Variants in COL7A1 observed in about 807,000 individuals in gnomAD.
COL7A1 encodes the protein collagen alpha-1(VII) chain.
In COL7A1, 296 loss-of-function variants were observed where a neutral mutation model predicts 456.2. The ratio of observed to expected loss-of-function variants is 0.65; its 90% CI spans 0.59 to 0.71. The LOEUF (loss-of-function observed/expected upper bound fraction) is 0.71. Among genes scored for constraint, COL7A1 ranks in the 30% least tolerant of loss-of-function variants. The pLI, the probability that COL7A1 is intolerant of heterozygous loss-of-function variation, is 0.00. For synonymous variants in COL7A1, 1,464 were observed against 1,525.9 expected, an observed-to-expected ratio of 0.96 and a Z score of 0.95; for missense variants, 3,441 against 4,017.2, an observed-to-expected ratio of 0.86 and a Z score of 3.88.
In COL7A1 at chr3:48,564,166, G is replaced by C; in HGVS notation, c.*240C>G. ...GGCGGGTCAGACGCCAGTCACATCC[G>C]CTCACTGCCCACAGCCACCCCCCCA... On this transcript the variant is annotated 3_prime_UTR_variant, in exon 119 of 119. Transcript: ENST00000681320. The surrounding 1 kb of genome is among the most constrained non-coding windows in gnomAD (Gnocchi z 6.0). 1.6e-6 allele frequency: 1 copy of C among 608,634 alleles called. No individual in the cohort carries two copies. The highest frequency in any genetic ancestry group is 2.4e-5 in the Admixed American group (1 of 42,020). 37.7% of individuals were successfully genotyped at this position (608,634 alleles called of 1,614,324 possible). A position where few individuals can be genotyped will look rare whatever the true frequency, so the allele number is the denominator to read the frequency against.
In COL7A1 at chr3:48,570,693, T is replaced by TG. The variant is rs1330515772; in HGVS notation, c.7289dup (p.Gly2431ArgfsTer52). 1 of 1,581,398 alleles carries TG rather than the reference T, an allele frequency of 6.3e-7. No homozygotes were observed. The highest frequency in any genetic ancestry group is 8.6e-7 in the Non-Finnish European group (1 of 1,162,798). On this transcript the variant is annotated frameshift_variant, in exon 96 of 119. Transcript: ENST00000681320. LOFTEE classifies it high-confidence loss of function. The surrounding 1 kb of genome is among the most constrained non-coding windows in gnomAD (Gnocchi z 5.5). ...GGGGTCCTGGGATTCCTTCTCTCCC[T>TG]GGGGGGCCTGCCAGACCCTACCAGA...
Position 48,586,277 on chromosome 3 carries a change from C to A in COL7A1, c.3551-31G>T. 1 of 1,613,714 alleles carries A rather than the reference C, an allele frequency of 6.2e-7. No homozygotes were observed. Among genetic ancestry groups the A allele is most frequent in the Non-Finnish European group, 8.5e-7 (1 of 1,180,036 alleles). The stretch of plus-strand genomic sequence containing the variant: ...GTGGGGTCCAGTGGCTGCATGATAG[C>A]CTTTTCAGGGCCACCCCTATTCCCA... On this transcript the variant is annotated intron_variant, in intron 27 of 118. Transcript: ENST00000681320. This position sits in a 1 kb window ranked among gnomAD's most constrained non-coding sequence, Gnocchi z 5.1.
chr3:48,576,589 A>G (rs372662921), intron 68 of COL7A1, 32 bp from the exon 69 acceptor site: 40 of 1,600,842 alleles, frequency 2.5e-5, no homozygotes, highest in Non-Finnish European at 3.2e-5. Context: ...AGGGGTCACA[A>G]AGGCCCATGG....
chr3:48,586,915 G>A lies in COL7A1; in HGVS notation c.3276+57C>T, dbSNP rs749546778. ...GTGGTCAGGAGATGGTAACTGGTAT[G>A]GAGCCTGGGTGGGGGGCCTCAGGGA... On this transcript the variant is annotated intron_variant, in intron 25 of 118. Coordinates refer to ENST00000681320, the MANE Select transcript of COL7A1 (RefSeq NM_000094.4). This position sits in a 1 kb window ranked among gnomAD's most constrained non-coding sequence, Gnocchi z 5.1. The A allele has an allele frequency of 7.7e-6, 12 of 1,556,962 alleles. No homozygotes were observed. Among genetic ancestry groups the A allele is most frequent in the South Asian group, 1.2e-5 (1 of 84,524 alleles).
rs762460240 is a variant in COL7A1 at position 48,571,291 on chromosome 3, A to G, written c.7069-13T>C. On this transcript the variant is annotated splice_polypyrimidine_tract_variant and intron_variant, in intron 92 of 118. Transcript: ENST00000681320. This position sits in a 1 kb window ranked among gnomAD's most constrained non-coding sequence, Gnocchi z 4.6. ...CCCCTTTCTGACCCTAAGAAAACCC[A>G]GCAAACAGCATTTGAGAGGGTAGGA... 1.9e-6 allele frequency: 3 copies of G among 1,614,184 alleles called. No homozygotes were observed. In the Middle Eastern group the frequency reaches 4.9e-4, roughly 266 times the overall value.
At position 48,594,529 on chromosome 3, in the gene COL7A1, G is replaced by T. The variant is rs751325519; in HGVS notation, c.105C>A (p.Tyr35Ter). Residue 35 changes from tyrosine to a stop codon, truncating the protein, a stop_gained, in exon 3 of 119, where the codon TAC (tyrosine) becomes TAA (stop). Coordinates refer to ENST00000681320, the MANE Select transcript of COL7A1 (RefSeq NM_000094.4). LOFTEE classifies it high-confidence loss of function. The surrounding 1 kb of genome is among the most constrained non-coding windows in gnomAD (Gnocchi z 5.5). ...HRERVTCTRL[Y>*]AADIVFLLDG... ...CCAGTAAGAACACAATGTCAGCGGC[G>T]TAAAGGCGCGTGCAGGTCACTGGGG... The T allele has an allele frequency of 1.9e-6, 3 of 1,605,042 alleles. No individual in the cohort carries two copies. The highest frequency in any genetic ancestry group is 2.2e-5 in the East Asian group (1 of 44,530).
Position 48,592,411 on chromosome 3 carries a change from C to T in COL7A1, c.1033G>A (p.Val345Met). 1 of 1,613,834 alleles carries T rather than the reference C, an allele frequency of 6.2e-7. No homozygotes were observed. Residue 345 changes from valine to methionine, a missense_variant, in exon 9 of 119, where the codon GTG becomes ATG. This residue lies in a region of COL7A1 where 913 missense variants were observed against 1,088.2 expected (regional missense o/e 0.84). Transcript: ENST00000681320. The surrounding 1 kb of genome is among the most constrained non-coding windows in gnomAD (Gnocchi z 7.6). ...IQNTTAHSLL[V>M]AWRSVPGATG... ...GCACCTGGCACACTCCGCCAGGCCA[C>T]CAGGAGGCTGTGGGCTGTGGTATTC...
intron 47 of COL7A1, 82 bp from the exon 48 acceptor site, chr3:48,582,025 G>A: frequency 6.3e-7 from 1 of 1,585,542 alleles, no homozygotes; most frequent in East Asian, 2.2e-5. Flanking sequence ...GAGGTCACAT[G>A]GAATTGGAAG....
chr3:48,581,830 A>AC lies in COL7A1; in HGVS notation c.4669-72dup, dbSNP rs956380024. ...ACCCCCTGACCCAGCAAGTCCTGTG[A>AC]CCCCCCAAGTCCCATAGATAGGCCC... is the stretch of plus-strand genomic sequence containing the variant. On this transcript the variant is annotated intron_variant, in intron 48 of 118. Coordinates refer to ENST00000681320, the MANE Select transcript of COL7A1 (RefSeq NM_000094.4). The surrounding 1 kb of genome is among the most constrained non-coding windows in gnomAD (Gnocchi z 5.8). The AC allele has an allele frequency of 8.7e-5, 140 of 1,612,910 alleles. No homozygotes were observed. The highest frequency in any genetic ancestry group is 1.1e-4 in the Non-Finnish European group (131 of 1,179,218).
chr3:48,591,325 T>C lies in COL7A1; in HGVS notation c.1636+139A>G. The stretch of plus-strand genomic sequence containing the variant: ...TGACAGTTCAGGGCTCAGTGCCATC[T>C]TGGGAAGCAGATGGATAACGAGACA... On this transcript the variant is annotated intron_variant, in intron 13 of 118. Coordinates refer to ENST00000681320, the MANE Select transcript of COL7A1 (RefSeq NM_000094.4). The surrounding 1 kb of genome is among the most constrained non-coding windows in gnomAD (Gnocchi z 7.0). 1 of 1,234,242 alleles carries C rather than the reference T, an allele frequency of 8.1e-7. No individual in the cohort carries two copies. 76.5% of individuals were successfully genotyped at this position (1,234,242 alleles called of 1,614,324 possible). A position where few individuals can be genotyped will look rare whatever the true frequency, so the allele number is the denominator to read the frequency against.
In COL7A1 at chr3:48,584,536, G is replaced by A. The variant is rs146913953; in HGVS notation, c.4068C>T (p.Ile1356=). ...KGEPGAPGQV[I]GGEGPGLPGR... ...CAGGAAGCCCAGGTCCTTCACCTCC[G>A]ATGACTTGTCCGGGAGCCCCCTGTA... Residue 1356 remains isoleucine, a synonymous_variant, in exon 36 of 119, where the codon ATC becomes ATT. Coordinates refer to ENST00000681320, the MANE Select transcript of COL7A1 (RefSeq NM_000094.4). The A allele has an allele frequency of 1.8e-4, 291 of 1,614,078 alleles. 2 individuals carry two copies. The African/African-American group carries it at 3.0e-3, about 17-fold the overall frequency.
chr3:48,588,704 A>G lies in COL7A1; in HGVS notation c.2525T>C (p.Val842Ala), dbSNP rs201851605. The G allele has an allele frequency of 1.2e-6, 2 of 1,613,908 alleles. No homozygotes were observed. The highest frequency in any genetic ancestry group is 2.7e-5 in the African/African-American group (2 of 75,076). The change falls in exon 20 of 119, where the codon GTG becomes GCG. Residue 842 changes from valine (V) to alanine (A), a missense_variant. This residue lies in a region of COL7A1 where 444 missense variants were observed against 427.6 expected (regional missense o/e 1.04). Coordinates refer to ENST00000681320, the MANE Select transcript of COL7A1 (RefSeq NM_000094.4). This position sits in a 1 kb window ranked among gnomAD's most constrained non-coding sequence, Gnocchi z 4.6. ...GTCCCCGACAAGTGCAGTCACTCGC[A>G]CTGAGTAGCTGACTCCACCTTCGAG... The part of the protein sequence containing the change: ...RGLEGGVSYS[V>A]RVTALVGDRE...
rs766144895 is a variant in COL7A1, at chr3:48,590,850, CAGAA to C, written c.1637-38_1637-35del. 7 of 1,588,052 alleles carry C rather than the reference CAGAA, an allele frequency of 4.4e-6. No homozygotes were observed. The highest frequency in any genetic ancestry group is 6.0e-6 in the Non-Finnish European group (7 of 1,168,994). ...GAAGTCAGGGTAGGTGGGCAGGGGT[CAGAA>C]AGAGACAGGGATGTGGGACGATGGC... On this transcript the variant is annotated intron_variant, in intron 13 of 118. Coordinates refer to ENST00000681320, the MANE Select transcript of COL7A1 (RefSeq NM_000094.4). This position sits in a 1 kb window ranked among gnomAD's most constrained non-coding sequence, Gnocchi z 4.6.
Position 48,568,477 on chromosome 3 carries a change from T to C in COL7A1, c.7794+22A>G. The C allele has an allele frequency of 6.3e-7, 1 of 1,594,324 alleles. No homozygotes were observed. Among genetic ancestry groups the C allele is most frequent in the African/African-American group, 1.3e-5 (1 of 74,584 alleles). On this transcript the variant is annotated intron_variant, in intron 105 of 118. Transcript: ENST00000681320. The surrounding 1 kb of genome is among the most constrained non-coding windows in gnomAD (Gnocchi z 5.2). ...GGGCCCTCTGGGGACAGGGGGCCCC[T>C]GTGGGAGCAGGGGCATCTTACCGGG...
chr3:48,582,502 T>A lies in COL7A1; in HGVS notation c.4575A>T (p.Gly1525=). The A allele has an allele frequency of 6.2e-7, 1 of 1,613,972 alleles. No homozygotes were observed. The highest frequency in any genetic ancestry group is 8.5e-7 in the Non-Finnish European group (1 of 1,179,998). The change falls in exon 46 of 119, where the codon GGA becomes GGT. Residue 1525 remains glycine (G), a synonymous_variant. Transcript: ENST00000681320. ...PGAKGPEGPP[G]PTGRQGEKGE... ...CCTTCTCTCCTTGGCGGCCAGTGGG[T>A]CCTGGTGGCCCCTGAATGTAGAGAA...
Position 48,581,554 on chromosome 3 carries a change from C to A in COL7A1, c.4782+19G>T, listed in dbSNP as rs375198612. The A allele has an allele frequency of 1.3e-4, 206 of 1,614,062 alleles. No individual in the cohort carries two copies. The highest frequency in any genetic ancestry group is 1.7e-4 in the Non-Finnish European group (206 of 1,180,024). ...CCTCATCTCCCTCTGTCACACTCCCCATTCCCACATTGATTCACCCGGTCT... is the reference window on the plus strand; with the variant it reads ...CCTCATCTCCCTCTGTCACACTCCCAATTCCCACATTGATTCACCCGGTCT... On this transcript the variant is annotated intron_variant, in intron 50 of 118. Coordinates refer to ENST00000681320, the MANE Select transcript of COL7A1 (RefSeq NM_000094.4). This position sits in a 1 kb window ranked among gnomAD's most constrained non-coding sequence, Gnocchi z 5.8.
Position 48,595,121 on chromosome 3 carries a change from C to A in COL7A1, c.39G>T (p.Gly13=). ...LRLLVAALCA[G]ILAEAPRVRA... ...GCACTCGGGGCGCCTCTGCCAGGAT[C>A]CCGGCGCAGAGCGCGGCCACCAGAA... Residue 13 remains glycine (G), a synonymous_variant, in exon 2 of 119, where the codon GGG becomes GGT. Transcript: ENST00000681320. The A allele has an allele frequency of 6.4e-7, 1 of 1,555,264 alleles. No individual in the cohort carries two copies. Among genetic ancestry groups the A allele is most frequent in the East Asian group, 2.4e-5 (1 of 41,292 alleles).
rs764349883 is a variant in COL7A1 at position 48,585,946 on chromosome 3, A to G, written c.3753T>C (p.Cys1251=). 43 of 1,613,954 alleles carry G rather than the reference A, an allele frequency of 2.7e-5. No individual in the cohort carries two copies. The highest frequency in any genetic ancestry group is 8.3e-5 in the Admixed American group (5 of 60,006). ...QPRPEPCPVY[C]PKGQKGEPGE... ...CTCGATGAGGGACTCTTACCTTTGG[A>G]CAATACACTGGGCAGGGCTCTGGCC... The change falls in exon 29 of 119, where the codon TGT becomes TGC. Residue 1251 remains cysteine (C), a synonymous_variant. Coordinates refer to ENST00000681320, the MANE Select transcript of COL7A1 (RefSeq NM_000094.4). This position sits in a 1 kb window ranked among gnomAD's most constrained non-coding sequence, Gnocchi z 4.5.
Position 48,564,475 on chromosome 3 carries a change from C to G in COL7A1, c.8819-53G>C. ...TCAGCCATCTGACCTTCCCCGGAGA[C>G]GCTCAGGCAGAGGCACCGCCAAGGG... On this transcript the variant is annotated intron_variant, in intron 118 of 118. Transcript: ENST00000681320. This position sits in a 1 kb window ranked among gnomAD's most constrained non-coding sequence, Gnocchi z 6.0. The G allele has an allele frequency of 6.2e-7, 1 of 1,609,984 alleles. No homozygotes were observed.
Sources: gnomAD v4.1 joint callset for allele counts on GRCh38, gnomAD v4.1.1 for gene constraint, gnomAD v4.1.1 regional missense constraint, Gnocchi (gnomAD v3.1) non-coding constraint, MANE v1.5 for transcripts, NCBI Gene and HGNC (gene_info 2026-07-23, HGNC 2026-07-21) for gene names.